TAF4B: variants seen among roughly 807,000 people sequenced by gnomAD.
The protein encoded by TAF4B is TATA-box binding protein associated factor 4b.
TAF4B carries 38 observed loss-of-function variants against 86.4 expected under a neutral mutation model. The observed-to-expected ratio is 0.44, with a 90% CI of 0.34 to 0.58. The LOEUF (loss-of-function observed/expected upper bound fraction) is 0.58. Ranked by LOEUF, TAF4B falls within the 20% of genes least tolerant of loss-of-function variation. TAF4B has a pLI of 0.02. For missense variants in TAF4B, 988 were observed against 1,027.6 expected, an observed-to-expected ratio of 0.96 and a Z score of 0.53; for synonymous variants, 388 against 391.2, an observed-to-expected ratio of 0.99 and a Z score of 0.10.
intron 9 of TAF4B, among the ~76,000 whole-genome samples, chr18:26,309,245 A>ATTTTTTTTTTTTTTTTTTTTTTTT (rs59457633): frequency 1.2e-5 from 1 of 84,552 alleles, no homozygotes; most frequent in African/African-American, 3.9e-5. Flanking sequence ...ACCTGACAGT[A>ATTTTTTTTTTTTTTTTTTTTTTTT]TTTTTTTTTT....
At chr18:26,323,600 T>G (rs2056980788) in intron 11 of TAF4B, among the ~76,000 whole-genome samples, 1 of 151,742 alleles carries the variant, frequency 6.6e-6, no homozygotes, top group African/African-American at 2.4e-5. Flanking sequence ...TAAACAAAAT[T>G]CTGTCAATGT....
At chr18:26,271,926 CAA>C (rs543780780) in intron 3 of TAF4B, among the ~76,000 whole-genome samples, 14 of 65,520 alleles carry the variant, frequency 2.1e-4, no homozygotes, top group Non-Finnish European at 1.9e-4. Flanking sequence ...GACTCCGTCT[CAA>C]AAAAAAAAAA....
chr18:26,327,053 A>C lies in TAF4B; in HGVS notation c.2172A>C (p.Ser724=). 1.9e-6 allele frequency: 3 copies of C among 1,613,660 alleles called. No individual in the cohort carries two copies. Among genetic ancestry groups the C allele is most frequent in the Non-Finnish European group, 2.5e-6 (3 of 1,179,834 alleles). The change falls in exon 12 of 15, where the codon TCA becomes TCC. Residue 724 remains serine, a synonymous_variant. Transcript: ENST00000269142. ...ENYILCSDTR[S]QLKFLEKLDQ... ...ACATCCTGTGTAGTGATACCAGGTC[A>C]CAGCTCAAATTTCTTGAAAAGCTGG...
In TAF4B at chr18:26,315,408, G is replaced by C; in HGVS notation, c.2002+10G>C. 1 of 1,603,278 alleles carries C rather than the reference G, an allele frequency of 6.2e-7. No individual in the cohort carries two copies. Among genetic ancestry groups the C allele is most frequent in the Non-Finnish European group, 8.5e-7 (1 of 1,175,368 alleles). On this transcript the variant is annotated intron_variant, in intron 10 of 14. Transcript: ENST00000269142. Reference sequence around the variant, plus strand: ...AGAATTTTAGACATTGGTAAGTGTAGAGTTATGATTATTGACCTGATAGAG... The same window carrying C: ...AGAATTTTAGACATTGGTAAGTGTACAGTTATGATTATTGACCTGATAGAG...
chr18:26,293,483 C>T lies in TAF4B; in HGVS notation c.1784C>T (p.Ser595Phe), dbSNP rs1429506655. 19 of 1,594,032 alleles carry T rather than the reference C, an allele frequency of 1.2e-5. No individual in the cohort carries two copies. The highest frequency in any genetic ancestry group is 1.4e-5 in the Non-Finnish European group (17 of 1,174,424). ...AATAAAATTCTGTCACTTCAAGCAT[C>T]TCCTACTCAGAAAAATAGAATAAAA... ...PGNKILSLQASPTQKNRIKEN... is the reference protein window; with the variant it reads ...PGNKILSLQAFPTQKNRIKEN... Residue 595 changes from serine to phenylalanine, a missense_variant, in exon 9 of 15, where the codon TCT becomes TTT. Coordinates refer to ENST00000269142, the MANE Select transcript of TAF4B (RefSeq NM_005640.3).
Position 26,286,481 on chromosome 18 carries a change from A to T in TAF4B, c.1572A>T (p.Ala524=). 1.2e-6 allele frequency: 2 copies of T among 1,606,074 alleles called. No homozygotes were observed. The highest frequency in any genetic ancestry group is 2.2e-5 in the South Asian group (2 of 89,376). ...VLSQPAGIPQ[A]VQVKQLVVQQ... is the part of the protein sequence containing the mutation. ...CACAACCAGCTGGGATTCCACAGGCAGTTCAAGTCAAGCAACTAGTGAGTA... is the reference window on the plus strand; with the variant it reads ...CACAACCAGCTGGGATTCCACAGGCTGTTCAAGTCAAGCAACTAGTGAGTA... Residue 524 remains alanine (A), a synonymous_variant, in exon 7 of 15, where the codon GCA becomes GCT. Coordinates refer to ENST00000269142, the MANE Select transcript of TAF4B (RefSeq NM_005640.3).
At chr18:26,231,841 G>C (rs1452444045) in intron 1 of TAF4B, among the ~76,000 whole-genome samples, 1 of 152,162 alleles carries the variant, frequency 6.6e-6, no homozygotes, top group Non-Finnish European at 1.5e-5. Flanking sequence ...CTTCCACAGT[G>C]TGGAAGGGGA....
chr18:26,295,695 G>T (rs1383219830), intron 9 of TAF4B, among the ~76,000 whole-genome samples: 1 of 152,164 alleles, frequency 6.6e-6, no homozygotes, highest in Non-Finnish European at 1.5e-5. Flanking sequence ...CTATTTTTCA[G>T]TGTCTTTTGA....
chr18:26,339,319 A>G (rs867642329), intron 13 of TAF4B, among the ~76,000 whole-genome samples: 1 of 151,826 alleles, frequency 6.6e-6, no homozygotes, highest in Non-Finnish European at 1.5e-5. Flanking sequence ...GTTTTGTTTT[A>G]GTTGGTTTTT....
At chr18:26,242,007 A>G (rs865936545) in intron 1 of TAF4B, among the ~76,000 whole-genome samples, 9 of 152,252 alleles carry the variant, frequency 5.9e-5, no homozygotes, top group African/African-American at 1.4e-4. Context: ...ACTTCGAACT[A>G]TGTGGTCAAT....
intron 1 of TAF4B, 52 bp from the exon 2 acceptor site, chr18:26,265,118 T>TAA (rs1046635049): frequency 1.2e-5 from 19 of 1,554,268 alleles, no homozygotes; most frequent in Non-Finnish European, 1.6e-5. Flanking sequence ...ATGTGATGGT[T>TAA]ATGCTGTATT....
chr18:26,249,170 CAAAA>C (rs796850643), intron 1 of TAF4B, among the ~76,000 whole-genome samples: 2 of 112,896 alleles, frequency 1.8e-5, no homozygotes, highest in Admixed American at 1.8e-4. Flanking sequence ...GACTCCATAT[CAAAA>C]AAAAAAAAAA....
intron 9 of TAF4B, among the ~76,000 whole-genome samples, chr18:26,302,373 T>TTTTTTG (rs2144636573): frequency 7.2e-6 from 1 of 138,632 alleles, no homozygotes. Flanking sequence ...CATATTAAAT[T>TTTTTTG]TTTTTTTTTT....
intron 1 of TAF4B, among the ~76,000 whole-genome samples, chr18:26,246,439 T>TAGC (rs2055925426): frequency 6.6e-6 from 1 of 152,158 alleles, no homozygotes; most frequent in Admixed American, 6.5e-5. Context: ...TAATAGAGTG[T>TAGC]AGCAACATAG....
chr18:26,285,222 G>GTTTTTGTTTTTTTTTTTTTTTTTTTTTT, intron 6 of TAF4B, among the ~76,000 whole-genome samples: 4 of 45,660 alleles, frequency 8.8e-5, no homozygotes, highest in Non-Finnish European at 1.3e-4. Context: ...TTTTTTTTTT[G>GTTTTTGTTTTTTTTTTTTTTTTTTTTTT]TTTTTTTTTT....
intron 6 of TAF4B, among the ~76,000 whole-genome samples, chr18:26,285,227 T>TGTTTTTGTTTTTGTTTTTTTTTG (rs1555677499): frequency 8.0e-6 from 1 of 125,108 alleles, no homozygotes; most frequent in Non-Finnish European, 1.8e-5. Context: ...TTTTTGTTTT[T>TGTTTTTGTTTTTGTTTTTTTTTG]TTTTTTTTTG....
At chr18:26,254,147 C>T (rs1168155275) in intron 1 of TAF4B, among the ~76,000 whole-genome samples, 2 of 151,838 alleles carry the variant, frequency 1.3e-5, no homozygotes, top group Non-Finnish European at 2.9e-5. Context: ...AGACTGGTCT[C>T]GAGCTCCTGA....
intron 9 of TAF4B, among the ~76,000 whole-genome samples, chr18:26,307,930 C>T (rs981902470): frequency 1.3e-5 from 2 of 151,868 alleles, no homozygotes; most frequent in Admixed American, 6.6e-5. Context: ...ACCAACGTGG[C>T]GAAACTCCAT....
chr18:26,330,312 C>T (rs2057040299), intron 12 of TAF4B, among the ~76,000 whole-genome samples: 1 of 152,112 alleles, frequency 6.6e-6, no homozygotes, highest in African/African-American at 2.4e-5. Flanking sequence ...TATTTTGTTG[C>T]TCAAATTGCC....
Sources: allele counts gnomAD v4.1 joint callset (sites outside exome capture counted in the v4.1 genomes callset), GRCh38; gene constraint gnomAD v4.1.1; transcripts MANE v1.5; gene names NCBI Gene and HGNC (gene_info 2026-07-23, HGNC 2026-07-21).